The following KMT2C variants were observed in gnomAD, a reference collection of about 807,000 sequenced individuals.
The protein encoded by KMT2C is lysine methyltransferase 2C.
In KMT2C, 88 loss-of-function variants were observed where a neutral mutation model predicts 507.9. The ratio of observed to expected loss-of-function variants is 0.17; its 90% confidence interval spans 0.15 to 0.21. The LOEUF (loss-of-function observed/expected upper bound fraction) is 0.21. Ranked by LOEUF, KMT2C falls within the 10% of genes least tolerant of loss-of-function variation. The probability of loss-of-function intolerance (pLI) is 1.00; values close to 1 mark genes in which losing one functional copy is unlikely to be tolerated. For missense variants in KMT2C, 4,954 were observed against 5,957.8 expected (o/e 0.83, Z 5.55); for synonymous variants, 2,049 against 2,080.8 (o/e 0.98, Z 0.42).
chr7:152,226,900 G>A (rs1217934388), intron 18 of KMT2C, among the ~76,000 whole-genome samples: 1 of 152,254 alleles, frequency 6.6e-6, no homozygotes, highest in Non-Finnish European at 1.5e-5. Flanking sequence ...GGGCCAGTCT[G>A]CGTGACCCTG....
At chr7:152,358,332 T>G (rs778037418) in intron 2 of KMT2C, among the ~76,000 whole-genome samples, 2 of 152,226 alleles carry the variant, frequency 1.3e-5, no homozygotes, top group Non-Finnish European at 2.9e-5. Flanking sequence ...CTCCCAGTCT[T>G]TATTTCCTTG....
chr7:152,355,821 T>G (rs1447199007), intron 2 of KMT2C, among the ~76,000 whole-genome samples: 4 of 152,112 alleles, frequency 2.6e-5, no homozygotes, highest in Non-Finnish European at 5.9e-5. Flanking sequence ...TATAAATAAC[T>G]CAAGGATTTT....
intron 51 of KMT2C, among the ~76,000 whole-genome samples, chr7:152,150,485 A>G (rs1437981765): frequency 1.3e-5 from 2 of 151,988 alleles, no homozygotes; most frequent in African/African-American, 4.8e-5. Context: ...GCGTGGTGGC[A>G]CGCACCTGTA....
intron 3 of KMT2C, among the ~76,000 whole-genome samples, chr7:152,322,839 T>TA (rs2096784562): frequency 6.6e-6 from 1 of 151,786 alleles, no homozygotes; most frequent in Admixed American, 6.6e-5. Flanking sequence ...ACAACCTGAT[T>TA]AAAAAATGGG....
At chr7:152,336,890 T>C (rs1223237714) in intron 2 of KMT2C, among the ~76,000 whole-genome samples, 1 of 152,198 alleles carries the variant, frequency 6.6e-6, no homozygotes, top group Non-Finnish European at 1.5e-5. Context: ...TGGGGACAAC[T>C]GCAACCCTGG....
intron 1 of KMT2C, among the ~76,000 whole-genome samples, chr7:152,404,373 G>A (rs1589770797): frequency 6.6e-6 from 1 of 152,126 alleles, no homozygotes; most frequent in African/African-American, 2.4e-5. Context: ...GGTGGCTGAC[G>A]CCTGTAATCA....
At chr7:152,424,720 C>T (rs999478837) in intron 1 of KMT2C, among the ~76,000 whole-genome samples, 1 of 152,148 alleles carries the variant, frequency 6.6e-6, no homozygotes, top group African/African-American at 2.4e-5. Context: ...GCCCCCACGC[C>T]GGCCCCTTCG....
intron 46 of KMT2C, among the ~76,000 whole-genome samples, chr7:152,155,427 CTTACAG>C (rs2091974009): frequency 6.6e-6 from 1 of 152,194 alleles, no homozygotes; most frequent in African/African-American, 2.4e-5. Flanking sequence ...CAATTAGAAT[CTTACAG>C]TTAAAGAACT....
At chr7:152,156,114 T>C in intron 45 of KMT2C, 57 bp from the exon 46 acceptor site, 3 of 1,599,330 alleles carry the variant, frequency 1.9e-6, no homozygotes, top group Non-Finnish European at 2.6e-6. Context: ...GATAAATGGG[T>C]AGAACTTTAC....
chr7:152,277,386 A>C (rs1232479846), intron 6 of KMT2C, among the ~76,000 whole-genome samples: 2 of 152,218 alleles, frequency 1.3e-5, no homozygotes, highest in Admixed American at 1.3e-4. Context: ...TCTGTTTTAT[A>C]TGAGTACCAG....
chr7:152,158,736 G>A, intron 44 of KMT2C, 127 bp downstream of exon 44: 1 of 810,018 alleles, frequency 1.2e-6, no homozygotes, highest in East Asian at 2.4e-5. Flanking sequence ...AGCTCATCTA[G>A]AACTCATGCC....
intron 7 of KMT2C, among the ~76,000 whole-genome samples, chr7:152,268,170 T>G (rs1482885028): frequency 6.6e-6 from 1 of 152,140 alleles, no homozygotes; most frequent in South Asian, 2.1e-4. Flanking sequence ...TCCCAGCTAC[T>G]CAGGAGGCTG....
intron 1 of KMT2C, among the ~76,000 whole-genome samples, chr7:152,387,394 C>A (rs936216737): frequency 7.3e-5 from 11 of 149,978 alleles, no homozygotes; most frequent in African/African-American, 2.5e-4. Context: ...TCACAATATA[C>A]CTATGAAAAG....
chr7:152,245,978 GAA>G (rs2095466234), intron 14 of KMT2C, among the ~76,000 whole-genome samples: 3 of 151,530 alleles, frequency 2.0e-5, no homozygotes, highest in African/African-American at 7.3e-5. Context: ...ATATGTAGAA[GAA>G]ACAGTAAATA....
At position 152,174,222 on chromosome 7, in the gene KMT2C, G is replaced by A. The variant is rs1208081081; in HGVS notation, c.9283C>T (p.Pro3095Ser). The A allele has an allele frequency of 6.3e-7, 1 of 1,583,226 alleles. No individual in the cohort carries two copies. Among genetic ancestry groups the A allele is most frequent in the Non-Finnish European group, 8.6e-7 (1 of 1,156,704 alleles). The change falls in exon 39 of 59, where the codon CCT (proline) becomes TCT (serine). Residue 3095 changes from proline to serine, a missense_variant. Around this residue, in one of 29 missense-constraint regions of KMT2C, gnomAD observed 1,689 missense variants for 1,654.3 expected, o/e 1.02. Transcript: ENST00000262189. Reference sequence around the variant, plus strand: ...GCCACCATTTTGGCTTTCATTATAGGATCTGTAATTGCATCAAAATCTAGA... The same window carrying A: ...GCCACCATTTTGGCTTTCATTATAGAATCTGTAATTGCATCAAAATCTAGA... Reference protein sequence around the residue: ...PNIDFDAITDPIMKAKMVALK... With the variant: ...PNIDFDAITDSIMKAKMVALK...
At chr7:152,173,214 C>G (rs1171341306) in intron 39 of KMT2C, among the ~76,000 whole-genome samples, 1 of 152,166 alleles carries the variant, frequency 6.6e-6, no homozygotes, top group Non-Finnish European at 1.5e-5. Context: ...CTTAAGAATT[C>G]AAATTTCTTT....
intron 2 of KMT2C, among the ~76,000 whole-genome samples, chr7:152,343,472 A>G (rs2097019830): frequency 6.6e-6 from 1 of 151,366 alleles, no homozygotes; most frequent in Admixed American, 6.6e-5. Flanking sequence ...AAAAAAGAAC[A>G]GAATGTTTAA....
intron 1 of KMT2C, chr7:152,367,130 A>G: frequency 9.0e-7 from 1 of 1,108,506 alleles, no homozygotes; most frequent in South Asian, 1.3e-5. Context: ...GTGGTCTCCT[A>G]GAAATCTAGC....
chr7:152,357,107 T>C (rs2129230230), intron 2 of KMT2C, among the ~76,000 whole-genome samples: 1 of 151,384 alleles, frequency 6.6e-6, no homozygotes, highest in African/African-American at 2.4e-5. Context: ...ATGTCTATAA[T>C]CCCAGCTACT....
Sources: allele counts gnomAD v4.1 joint callset (sites outside exome capture counted in the v4.1 genomes callset), GRCh38; gene constraint gnomAD v4.1.1; regional missense constraint gnomAD v4.1.1; transcripts MANE v1.5; gene names NCBI Gene and HGNC (gene_info 2026-07-23, HGNC 2026-07-21).